Variants in ANGPT1 observed in about 807,000 individuals in gnomAD.
The protein encoded by ANGPT1 is angiopoietin-1.
Under a neutral mutation model 62.2 loss-of-function variants are expected in ANGPT1, and 17 were observed. That is an observed-to-expected ratio of 0.27 (90% confidence interval 0.19 to 0.41). ANGPT1 has a LOEUF of 0.41. Among genes scored for constraint, ANGPT1 ranks in the 10% least tolerant of loss-of-function variants. The pLI is 1.00. For synonymous variants in ANGPT1, 199 were observed against 198.9 expected, an observed-to-expected ratio of 1.00 and a Z score of 0.00; for missense variants, 478 against 594.9, an observed-to-expected ratio of 0.80 and a Z score of 2.04.
chr8:107,303,118 G>GA, intron 5 of ANGPT1, 122 bp downstream of exon 5: 1 of 1,165,206 alleles, frequency 8.6e-7, no homozygotes. Flanking sequence ...ATCTCTGGGA[G>GA]AAAAAAGTTC....
chr8:107,486,697 G>T (rs1812824450), intron 1 of ANGPT1, among the ~76,000 whole-genome samples: 1 of 152,072 alleles, frequency 6.6e-6, no homozygotes, highest in African/African-American at 2.4e-5. Context: ...GAAGAAGCTT[G>T]CCCAAGGTTA....
At chr8:107,322,740 T>C (rs1283281862) in intron 3 of ANGPT1, 1 of 329,374 alleles carries the variant, frequency 3.0e-6, no homozygotes, top group African/African-American at 2.2e-5. Flanking sequence ...CTGTTGAAAA[T>C]ATTTTTAATC....
chr8:107,334,797 T>C (rs943703719), intron 3 of ANGPT1, among the ~76,000 whole-genome samples: 7 of 152,178 alleles, frequency 4.6e-5, no homozygotes, highest in Non-Finnish European at 1.0e-4. Flanking sequence ...TACTGTGAAA[T>C]TGCAGGAGAA....
chr8:107,364,578 G>A (rs1213349330), intron 1 of ANGPT1, among the ~76,000 whole-genome samples: 1 of 152,158 alleles, frequency 6.6e-6, no homozygotes, highest in African/African-American at 2.4e-5. Context: ...ACTGTGCCCA[G>A]CCCGATGGTT....
At chr8:107,458,747 GC>G (rs1292562325) in intron 1 of ANGPT1, among the ~76,000 whole-genome samples, 1 of 152,096 alleles carries the variant, frequency 6.6e-6, no homozygotes, top group Admixed American at 6.5e-5. Context: ...TTGAACATGA[GC>G]CCAGGAGGTC....
intron 1 of ANGPT1, among the ~76,000 whole-genome samples, chr8:107,491,957 T>C (rs770019604): frequency 8.5e-5 from 13 of 152,158 alleles, no homozygotes; most frequent in Non-Finnish European, 1.8e-4. Flanking sequence ...AGGACCTACT[T>C]GTCATAGCCC....
intron 1 of ANGPT1, among the ~76,000 whole-genome samples, chr8:107,431,883 C>T (rs888731453): frequency 1.3e-5 from 2 of 152,098 alleles, no homozygotes; most frequent in Non-Finnish European, 2.9e-5. Flanking sequence ...GAAATACATA[C>T]AAATACCTTA....
chr8:107,458,884 C>T (rs1043849716), intron 1 of ANGPT1, among the ~76,000 whole-genome samples: 6 of 152,050 alleles, frequency 3.9e-5, no homozygotes, highest in African/African-American at 7.2e-5. Flanking sequence ...ATATGACATA[C>T]GACAAAACTA....
chr8:107,303,848 A>G (rs1814652920), intron 4 of ANGPT1, among the ~76,000 whole-genome samples: 1 of 151,334 alleles, frequency 6.6e-6, no homozygotes, highest in South Asian at 2.1e-4. Flanking sequence ...TAAAACACTA[A>G]AACAATGGAA....
chr8:107,369,704 G>A (rs560288840), intron 1 of ANGPT1, among the ~76,000 whole-genome samples: 1 of 152,244 alleles, frequency 6.6e-6, no homozygotes, highest in South Asian at 2.1e-4. Context: ...TGAGAATAGG[G>A]AGGCCCATTG....
chr8:107,380,293 G>A (rs976174395), intron 1 of ANGPT1, among the ~76,000 whole-genome samples: 4 of 151,896 alleles, frequency 2.6e-5, no homozygotes, highest in Admixed American at 6.6e-5. Context: ...AAGGCTACAT[G>A]ATATAATCAA....
At chr8:107,439,159 G>A (rs1005763116) in intron 1 of ANGPT1, among the ~76,000 whole-genome samples, 2 of 152,090 alleles carry the variant, frequency 1.3e-5, no homozygotes, top group Non-Finnish European at 2.9e-5. Flanking sequence ...AAATTTCTAG[G>A]TTGTTATCAT....
rs746204973 is a variant in ANGPT1, at chr8:107,346,914, GTCTGTGGAC to G, written c.453+19_453+27del. 7 of 1,579,322 alleles carry G rather than the reference GTCTGTGGAC, an allele frequency of 4.4e-6. No individual in the cohort carries two copies. Among genetic ancestry groups the G allele is most frequent in the Non-Finnish European group, 6.0e-6 (7 of 1,163,432 alleles). On this transcript the variant is annotated intron_variant, in intron 2 of 8. Coordinates refer to ENST00000517746, the MANE Select transcript of ANGPT1 (RefSeq NM_001146.5). The stretch of plus-strand genomic sequence containing the variant: ...GAAAAAAAAAATTTTTCCTTGTTGA[GTCTGTGGAC>G]TCTGGCCCTGGGGTGTACCTGGGTC...
At chr8:107,369,185 T>C (rs1400320722) in intron 1 of ANGPT1, among the ~76,000 whole-genome samples, 1 of 152,208 alleles carries the variant, frequency 6.6e-6, no homozygotes, top group Non-Finnish European at 1.5e-5. Flanking sequence ...ACATCGGCAC[T>C]TGCTGCCTCA....
At chr8:107,324,402 G>T (rs548206380) in intron 3 of ANGPT1, among the ~76,000 whole-genome samples, 1 of 151,986 alleles carries the variant, frequency 6.6e-6, no homozygotes, top group Non-Finnish European at 1.5e-5. Context: ...GATCAGATGT[G>T]CACACAGGGA....
At chr8:107,497,144 A>G in intron 1 of ANGPT1, 118 bp downstream of exon 1, 1 of 1,210,986 alleles carries the variant, frequency 8.3e-7, no homozygotes, top group Non-Finnish European at 1.2e-6. Context: ...AATTGCAAAC[A>G]CTGCCCCCCT....
At chr8:107,254,219 GA>G (rs1415110406) in intron 8 of ANGPT1, among the ~76,000 whole-genome samples, 3 of 151,918 alleles carry the variant, frequency 2.0e-5, no homozygotes, top group Non-Finnish European at 4.4e-5. Context: ...TGCTGTATTT[GA>G]TAGATACCCC....
At chr8:107,475,407 C>T (rs1405233928) in intron 1 of ANGPT1, among the ~76,000 whole-genome samples, 2 of 152,168 alleles carry the variant, frequency 1.3e-5, no homozygotes, top group East Asian at 3.9e-4. Flanking sequence ...AACAGGACCC[C>T]TTCCTTACAC....
intron 1 of ANGPT1, among the ~76,000 whole-genome samples, chr8:107,399,556 G>C (rs1002600480): frequency 1.3e-5 from 2 of 151,868 alleles, no homozygotes; most frequent in African/African-American, 4.8e-5. Flanking sequence ...GGTGATTCAC[G>C]GTCTCACAGA....
Sources: gnomAD v4.1 joint callset for allele counts (sites outside exome capture counted in the v4.1 genomes callset) on GRCh38, gnomAD v4.1.1 for gene constraint, MANE v1.5 for transcripts, NCBI Gene and HGNC (gene_info 2026-07-23, HGNC 2026-07-21) for gene names.